PPARGC1A: variants seen among roughly 807,000 people sequenced by gnomAD.
PPARGC1A encodes PPARG coactivator 1 alpha.
PPARGC1A carries 25 observed loss-of-function variants against 88.7 expected under a neutral mutation model. That is an observed-to-expected ratio of 0.28 (90% CI 0.21 to 0.39). The LOEUF is 0.39. Ranked by LOEUF, PPARGC1A falls within the 10% of genes least tolerant of loss-of-function variation. The pLI, the probability that PPARGC1A is intolerant of heterozygous loss-of-function variation, is 1.00. For synonymous variants in PPARGC1A, 363 were observed against 355.6 expected, an observed-to-expected ratio of 1.02 and a Z score of -0.24; for missense variants, 880 against 968.7, an observed-to-expected ratio of 0.91 and a Z score of 1.22.
At chr4:24,079,018 T>C in the PPARGC1A span, among the ~76,000 whole-genome samples, 2 of 152,092 alleles carry the variant, frequency 1.3e-5, no homozygotes, top group African/African-American at 4.8e-5. Context: ...GGCTTTCTCA[T>C]AGTATATCTA....
chr4:24,472,456 C>G, the PPARGC1A span, among the ~76,000 whole-genome samples: 4 of 152,022 alleles, frequency 2.6e-5, no homozygotes, highest in Non-Finnish European at 5.9e-5. This position sits in a 1 kb window ranked among gnomAD's most constrained non-coding sequence, Gnocchi z 4.5. Flanking sequence ...GCCCGCAGCC[C>G]GCCATGCTCT....
At chr4:24,394,851 A>T in the PPARGC1A span, among the ~76,000 whole-genome samples, 1 of 152,228 alleles carries the variant, frequency 6.6e-6, no homozygotes, top group South Asian at 2.1e-4. Context: ...GTGGGGGAAA[A>T]AATGCTTGGC....
chr4:24,428,291 G>A, the PPARGC1A span, among the ~76,000 whole-genome samples: 2 of 152,172 alleles, frequency 1.3e-5, no homozygotes, highest in Non-Finnish European at 2.9e-5. Flanking sequence ...AGTGCTGGCA[G>A]AGAGAATGGC....
At chr4:24,266,113 G>A in the PPARGC1A span, among the ~76,000 whole-genome samples, 1 of 152,196 alleles carries the variant, frequency 6.6e-6, no homozygotes, top group African/African-American at 2.4e-5. Context: ...AACGAGAGAT[G>A]CCGGAGTTAT....
At chr4:24,145,032 T>A in the PPARGC1A span, among the ~76,000 whole-genome samples, 1 of 151,950 alleles carries the variant, frequency 6.6e-6, no homozygotes, top group South Asian at 2.1e-4. Context: ...CATACCCTTC[T>A]GCAGTTTCAA....
chr4:24,257,957 A>T, the PPARGC1A span, among the ~76,000 whole-genome samples: 1 of 152,136 alleles, frequency 6.6e-6, no homozygotes, highest in African/African-American at 2.4e-5. Context: ...TTTAGTCCAA[A>T]TTATCTAGTA....
At chr4:24,153,071 G>A in the PPARGC1A span, among the ~76,000 whole-genome samples, 1 of 152,294 alleles carries the variant, frequency 6.6e-6, no homozygotes, top group Non-Finnish European at 1.5e-5. Flanking sequence ...GCACTGATTT[G>A]ATTTCAGACA....
chr4:24,290,165 T>C, the PPARGC1A span, among the ~76,000 whole-genome samples: 1 of 152,180 alleles, frequency 6.6e-6, no homozygotes, highest in East Asian at 1.9e-4. Flanking sequence ...CAATTCAAGA[T>C]GAGATTTGGG....
the PPARGC1A span, among the ~76,000 whole-genome samples, chr4:24,353,028 G>A: frequency 1.3e-5 from 2 of 152,098 alleles, no homozygotes; most frequent in Admixed American, 6.5e-5. Context: ...GTTCTCTCTG[G>A]GTGACATGTG....
chr4:24,040,728 A>G, the PPARGC1A span, among the ~76,000 whole-genome samples: 1 of 152,216 alleles, frequency 6.6e-6, no homozygotes, highest in African/African-American at 2.4e-5. Flanking sequence ...TAGTGCAACC[A>G]TAGTTTTGTT....
chr4:23,871,558 G>A (rs1037553685), intron 2 of PPARGC1A, among the ~76,000 whole-genome samples: 29 of 152,202 alleles, frequency 1.9e-4, no homozygotes, highest in African/African-American at 7.0e-4. Context: ...CAGCTCAGAG[G>A]AGAGAGCAGG....
chr4:24,404,126 G>T, the PPARGC1A span, among the ~76,000 whole-genome samples: 1 of 151,986 alleles, frequency 6.6e-6, no homozygotes, highest in Non-Finnish European at 1.5e-5. Context: ...AGCCGGGCAT[G>T]GTGGCACACA....
In PPARGC1A at chr4:23,807,485, T is replaced by C. The variant is rs77306942; in HGVS notation, c.2020-5140A>G. On this transcript the variant is annotated intron_variant, in intron 10 of 12. Coordinates refer to ENST00000264867, the MANE Select transcript of PPARGC1A (RefSeq NM_013261.5). Reference sequence around the variant, plus strand: ...GTCTATTTAAAAGGTAAGATGCAAATAAAAGCTAACATGCAAGTAAACATA... The same window carrying C: ...GTCTATTTAAAAGGTAAGATGCAAACAAAAGCTAACATGCAAGTAAACATA... Among the ~76,000 whole-genome samples the C allele has an allele frequency of 2.9e-3, 443 of 152,258 alleles. 14 individuals carry two copies. In the East Asian group the frequency reaches 0.055, roughly 19 times the overall value.
the PPARGC1A span, among the ~76,000 whole-genome samples, chr4:24,267,181 A>T: frequency 6.6e-6 from 1 of 152,188 alleles, no homozygotes; most frequent in Non-Finnish European, 1.5e-5. Flanking sequence ...TCCACCCACC[A>T]ACAAACAGAG....
intron 10 of PPARGC1A, 98 bp from the exon 11 acceptor site, chr4:23,802,443 G>T: frequency 2.1e-6 from 3 of 1,436,632 alleles, no homozygotes; most frequent in Non-Finnish European, 2.9e-6. Flanking sequence ...ACTTTGGGAG[G>T]CCGAGGCAGG....
chr4:24,065,548 T>G, the PPARGC1A span, among the ~76,000 whole-genome samples: 21 of 152,322 alleles, frequency 1.4e-4, no homozygotes, highest in Middle Eastern at 3.4e-3. Context: ...GGACTGCTAG[T>G]AGGCCAATTT....
the PPARGC1A span, among the ~76,000 whole-genome samples, chr4:24,319,653 C>T: frequency 5.9e-5 from 9 of 152,168 alleles, no homozygotes; most frequent in African/African-American, 2.2e-4. Context: ...CCCCAAGTAG[C>T]TTAGTGAGCT....
At chr4:23,964,878 ACTGTGTTTTT>A in the PPARGC1A span, among the ~76,000 whole-genome samples, 1 of 152,132 alleles carries the variant, frequency 6.6e-6, no homozygotes, top group Admixed American at 6.5e-5. Flanking sequence ...TCTGATTTAA[ACTGTGTTTTT>A]CTAATTGAGG....
chr4:23,874,613 C>G (rs1714313110), intron 2 of PPARGC1A, among the ~76,000 whole-genome samples: 4 of 152,066 alleles, frequency 2.6e-5, no homozygotes, highest in African/African-American at 9.7e-5. Flanking sequence ...GGCACACACT[C>G]TCACTACGCT....
Sources: allele counts gnomAD v4.1 joint callset (sites outside exome capture counted in the v4.1 genomes callset), GRCh38; gene constraint gnomAD v4.1.1; non-coding constraint Gnocchi (gnomAD v3.1); transcripts MANE v1.5; gene names NCBI Gene and HGNC (gene_info 2026-07-23, HGNC 2026-07-21).